CAMKMT: variants seen among roughly 807,000 people sequenced by gnomAD.
The protein encoded by CAMKMT is CaM KMT.
Under a neutral mutation model 48.0 loss-of-function variants are expected in CAMKMT, and 53 were observed. That is an observed-to-expected ratio of 1.10 (90% confidence interval 0.89 to 1.39). The LOEUF is 1.39. Ranked by LOEUF, CAMKMT falls within the 40% of genes most tolerant of loss-of-function variation. The pLI, the probability that CAMKMT is intolerant of heterozygous loss-of-function variation, is 0.00. For missense variants in CAMKMT, 428 were observed against 402.7 expected, an observed-to-expected ratio of 1.06 and a Z score of -0.54; for synonymous variants, 165 against 152.3, an observed-to-expected ratio of 1.08 and a Z score of -0.61.
At chr2:44,450,199 A>G (rs951460814) in intron 3 of CAMKMT, among the ~76,000 whole-genome samples, 1 of 152,184 alleles carries the variant, frequency 6.6e-6, no homozygotes, top group Non-Finnish European at 1.5e-5. Context: ...TAGCAGGCTC[A>G]GTGAATAATG....
At chr2:44,437,022 G>C (rs1666305297) in intron 3 of CAMKMT, among the ~76,000 whole-genome samples, 1 of 152,080 alleles carries the variant, frequency 6.6e-6, no homozygotes, top group African/African-American at 2.4e-5. Flanking sequence ...TACCATTTTA[G>C]TTTCATACCT....
chr2:44,765,289 A>G lies in CAMKMT; in HGVS notation c.763-1141A>G, dbSNP rs148493203. 5.1e-3 allele frequency among the ~76,000 whole-genome samples: 778 copies of G among 152,156 alleles called. 7 individuals are homozygous for G. Among genetic ancestry groups the G allele is most frequent in the African/African-American group, 0.018 (729 of 41,508 alleles). The stretch of plus-strand genomic sequence containing the variant: ...AATGCCTAGCCCAGTGTCTGACTAC[A>G]CTATACCTACAACATAGAGTGGCTT... On this transcript the variant is annotated intron_variant, in intron 9 of 10. Transcript: ENST00000378494.
intron 3 of CAMKMT, among the ~76,000 whole-genome samples, chr2:44,475,164 A>C (rs1668622901): frequency 6.6e-6 from 1 of 152,286 alleles, no homozygotes; most frequent in African/African-American, 2.4e-5. Context: ...AAATTTTATT[A>C]ATATCTGATT....
intron 3 of CAMKMT, among the ~76,000 whole-genome samples, chr2:44,592,487 G>T (rs1670355741): frequency 1.3e-5 from 2 of 152,074 alleles, no homozygotes; most frequent in African/African-American, 4.8e-5. Context: ...TTGGTTATCA[G>T]ATTAATGGTC....
chr2:44,657,158 G>T lies in CAMKMT; in HGVS notation c.377-47125G>T, dbSNP rs1406827535. Among the ~76,000 whole-genome samples, 1 of 152,158 alleles carries T rather than the reference G, an allele frequency of 6.6e-6. No homozygotes were observed. The highest frequency in any genetic ancestry group is 1.5e-5 in the Non-Finnish European group (1 of 68,020). ...TGCAGCCCCACCTGAAATCCAGTTT[G>T]TATGAGAGCCATATGAAGGCCATCC... On this transcript the variant is annotated intron_variant, in intron 3 of 10. Transcript: ENST00000378494. The surrounding 1 kb of genome is among the most constrained non-coding windows in gnomAD (Gnocchi z 4.3).
At chr2:44,470,845 G>C (rs1335615705) in intron 3 of CAMKMT, among the ~76,000 whole-genome samples, 1 of 151,872 alleles carries the variant, frequency 6.6e-6, no homozygotes, top group Non-Finnish European at 1.5e-5. Context: ...AGGTCCACTT[G>C]CATTTTTTTC....
At chr2:44,686,380 G>A (rs1172938561) in intron 3 of CAMKMT, among the ~76,000 whole-genome samples, 7 of 142,234 alleles carry the variant, frequency 4.9e-5, no homozygotes, top group Non-Finnish European at 1.1e-4. Flanking sequence ...GCAACAGAGC[G>A]AGACTCTGCC....
At chr2:44,622,591 G>A (rs1672260343) in intron 3 of CAMKMT, among the ~76,000 whole-genome samples, 1 of 152,210 alleles carries the variant, frequency 6.6e-6, no homozygotes, top group South Asian at 2.1e-4. Flanking sequence ...AGAACATGCA[G>A]TATTTGGTTG....
intron 3 of CAMKMT, chr2:44,392,151 T>C (rs1370146225): frequency 2.6e-5 from 4 of 152,176 alleles, no homozygotes. Context: ...TATTCTGTCT[T>C]ATACTATTTT....
rs1558690238 is a variant in CAMKMT at position 44,542,558 on chromosome 2, T to TCTCTC, written c.376+152253_376+152254insCTCTC. On this transcript the variant is annotated intron_variant, in intron 3 of 10. Transcript: ENST00000378494. ...ACACACTCTCTCTCTCTCTCTCTCT[T>TCTCTC]TCTCTCTCCATATATGTATATATTT... is the stretch of plus-strand genomic sequence containing the variant. 1.0e-3 allele frequency among the ~76,000 whole-genome samples: 52 copies of TCTCTC among 50,044 alleles called. No individual in the cohort carries two copies. The South Asian group carries it at 0.012, about 12-fold the overall frequency. The allele number at this position is 50,044 out of a possible 152,430, so 32.8% of individuals were successfully genotyped here.
At chr2:44,647,992 A>AGGAAAAAG (rs1673843533) in intron 3 of CAMKMT, among the ~76,000 whole-genome samples, 1 of 151,530 alleles carries the variant, frequency 6.6e-6, no homozygotes, top group Non-Finnish European at 1.5e-5. Context: ...TATCTGTATT[A>AGGAAAAAG]GGAAAAAGTG....
rs1667113995 is a variant in CAMKMT, at chr2:44,541,683, A to T, written c.376+151378A>T. 2.0e-5 allele frequency among the ~76,000 whole-genome samples: 3 copies of T among 151,528 alleles called. No individual in the cohort carries two copies. In the South Asian group the frequency reaches 6.3e-4, roughly 32 times the overall value. On this transcript the variant is annotated intron_variant, in intron 3 of 10. Transcript: ENST00000378494. Reference sequence around the variant, plus strand: ...CTGCTTGGGAGGCTGAGGTAAGAGGATCACTGGGTCCCAGGAGGTTGAGGC... The same window carrying T: ...CTGCTTGGGAGGCTGAGGTAAGAGGTTCACTGGGTCCCAGGAGGTTGAGGC...
chr2:44,631,344 A>G (rs184118213), intron 3 of CAMKMT: 133 of 325,938 alleles, frequency 4.1e-4, no homozygotes, highest in African/African-American at 2.3e-3. Flanking sequence ...ACATGTATAC[A>G]TATGTAACTA....
intron 3 of CAMKMT, among the ~76,000 whole-genome samples, chr2:44,510,609 C>T (rs1670491045): frequency 6.6e-6 from 1 of 152,062 alleles, no homozygotes; most frequent in Admixed American, 6.6e-5. Flanking sequence ...TTATACTTTC[C>T]CTCTCAGATT....
At chr2:44,472,700 T>TA (rs1009583323) in intron 3 of CAMKMT, among the ~76,000 whole-genome samples, 1 of 152,136 alleles carries the variant, frequency 6.6e-6, no homozygotes, top group Non-Finnish European at 1.5e-5. Flanking sequence ...AAAGAAGAAA[T>TA]TGCTTTTCCT....
intron 3 of CAMKMT, among the ~76,000 whole-genome samples, chr2:44,569,281 T>A (rs1668780665): frequency 6.6e-6 from 1 of 152,164 alleles, no homozygotes; most frequent in Non-Finnish European, 1.5e-5. Flanking sequence ...TCTGCTTACA[T>A]GGTAAAGGTC....
chr2:44,769,426 A>G (rs1196974848), intron 10 of CAMKMT, among the ~76,000 whole-genome samples: 1 of 152,182 alleles, frequency 6.6e-6, no homozygotes, highest in Admixed American at 6.5e-5. Flanking sequence ...AGGGGAGAAA[A>G]ATAAAACACT....
chr2:44,689,283 T>TATTTATTTA (rs1388565824), intron 3 of CAMKMT, among the ~76,000 whole-genome samples: 5 of 149,222 alleles, frequency 3.4e-5, no homozygotes, highest in Non-Finnish European at 7.4e-5. Context: ...TTTATTTATT[T>TATTTATTTA]ATTTATTTAT....
intron 3 of CAMKMT, among the ~76,000 whole-genome samples, chr2:44,412,155 G>A (rs1036350184): frequency 6.6e-6 from 1 of 151,922 alleles, no homozygotes; most frequent in Non-Finnish European, 1.5e-5. Context: ...ACGTTTCAAT[G>A]TATTGACTCC....
Sources: allele counts gnomAD v4.1 joint callset (sites outside exome capture counted in the v4.1 genomes callset), GRCh38; gene constraint gnomAD v4.1.1; non-coding constraint Gnocchi (gnomAD v3.1); transcripts MANE v1.5; gene names NCBI Gene and HGNC (gene_info 2026-07-23, HGNC 2026-07-21).